DMD: variants seen among roughly 807,000 people sequenced by gnomAD.
DMD encodes dystrophin, also known as mutant dystrophin.
DMD carries 63 observed loss-of-function variants against 330.1 expected under a neutral mutation model. That is an observed-to-expected ratio of 0.19 (90% confidence interval 0.16 to 0.24). The LOEUF is 0.24. DMD is among the 10% of genes least tolerant of loss of function. DMD has a pLI of 1.00. For missense variants in DMD, 3,344 were observed against 2,684.1 expected (o/e 1.25, Z -5.43); for synonymous variants, 1,223 against 959.8 (o/e 1.27, Z -5.07).
chrX:31,819,723 C>T (rs1259243879), intron 50 of DMD, among the ~76,000 whole-genome samples: 1 of 113,000 alleles, frequency 8.8e-6, no homozygotes, highest in African/African-American at 3.2e-5. Context: ...CCACAATCTC[C>T]CTTGTGCTCT....
At chrX:31,458,548 C>T (rs1455644397) in intron 59 of DMD, among the ~76,000 whole-genome samples, 1 of 105,799 alleles carries the variant, frequency 9.5e-6, no homozygotes, top group African/African-American at 3.5e-5. Flanking sequence ...ACTCATTGGC[C>T]AAATCTACCC....
At chrX:32,979,054 A>G (rs1243967868) in intron 2 of DMD, among the ~76,000 whole-genome samples, 2 of 112,383 alleles carry the variant, frequency 1.8e-5, no homozygotes, top group African/African-American at 3.2e-5. Context: ...ATAATTTACA[A>G]GTTCTTAGGG....
intron 48 of DMD, among the ~76,000 whole-genome samples, chrX:31,846,434 TACACACACACACACA>T (rs1156472182): frequency 2.1e-5 from 2 of 95,471 alleles, no homozygotes; most frequent in Non-Finnish European, 4.3e-5. Context: ...AATCAAGAAA[TACACACACACACACA>T]CACACACACA....
intron 55 of DMD, among the ~76,000 whole-genome samples, chrX:31,527,107 C>G (rs2073300307): frequency 1.8e-5 from 2 of 110,771 alleles, no homozygotes; most frequent in Non-Finnish European, 3.8e-5. Context: ...AGGGTATGAC[C>G]CTGTCTCCAA....
chrX:32,866,483 A>G, intron 2 of DMD, among the ~76,000 whole-genome samples: 1 of 110,836 alleles, frequency 9.0e-6, no homozygotes. Context: ...GAGCCCTAGG[A>G]GTTTTTATGA....
Position 31,670,042 on chromosome X carries a change from A to C in DMD, c.7872+9333T>G, listed in dbSNP as rs1211916574. 3.6e-5 allele frequency among the ~76,000 whole-genome samples: 4 copies of C among 110,918 alleles called. No individual in the cohort carries two copies. In the East Asian group the frequency reaches 1.1e-3, roughly 31 times the overall value. ...AAGCCTTGCATCTCTTTTATTCCTA[A>C]GTTTTTAACATTTTTTGATGCCATT... On this transcript the variant is annotated intron_variant, in intron 53 of 78. Transcript: ENST00000357033.
intron 49 of DMD, among the ~76,000 whole-genome samples, chrX:31,822,251 A>T (rs1056916718): frequency 8.9e-6 from 1 of 112,120 alleles, no homozygotes; most frequent in Non-Finnish European, 1.9e-5. Context: ...TTGAAAGACG[A>T]CTAGGAAGTT....
Position 32,345,939 on chromosome X carries a change from A to G in DMD, c.5586+4T>C. On this transcript the variant is annotated splice_donor_region_variant and intron_variant, in intron 39 of 78. Transcript: ENST00000357033. ...AAGGTATATTATAATTTTAGCTCTAATACCTTGAGAGCATTATGTTTTGTC... is the reference window on the plus strand; with the variant it reads ...AAGGTATATTATAATTTTAGCTCTAGTACCTTGAGAGCATTATGTTTTGTC... The G allele has an allele frequency of 8.3e-7, 1 of 1,208,418 alleles. No homozygotes were observed. The highest frequency in any genetic ancestry group is 1.1e-6 in the Non-Finnish European group (1 of 893,885).
intron 17 of DMD, among the ~76,000 whole-genome samples, chrX:32,544,323 G>A (rs891009433): frequency 2.4e-4 from 27 of 111,742 alleles, no homozygotes; most frequent in African/African-American, 8.5e-4. Flanking sequence ...TTAGATGTGT[G>A]TTCTTTTCAA....
intron 1 of DMD, among the ~76,000 whole-genome samples, chrX:33,047,236 G>A (rs1172230820): frequency 1.8e-5 from 2 of 112,205 alleles, no homozygotes; most frequent in African/African-American, 3.2e-5. Flanking sequence ...GCTGACAAAG[G>A]AGAGTAAACA....
At chrX:31,268,431 C>T (rs180722270) in intron 62 of DMD, among the ~76,000 whole-genome samples, 37 of 112,229 alleles carry the variant, frequency 3.3e-4, no homozygotes, top group African/African-American at 1.1e-3. Flanking sequence ...TATTTTTAAG[C>T]AAATATGGCA....
At chrX:31,214,950 T>C (rs1935841590) in intron 64 of DMD, among the ~76,000 whole-genome samples, 2 of 81,767 alleles carry the variant, frequency 2.4e-5, no homozygotes, top group Non-Finnish European at 4.8e-5. Flanking sequence ...TTTTTTTTTT[T>C]TTTTTTTTTG....
At chrX:31,127,843 T>G (rs985738676) in intron 77 of DMD, among the ~76,000 whole-genome samples, 1 of 112,018 alleles carries the variant, frequency 8.9e-6, no homozygotes, top group Non-Finnish European at 1.9e-5. Context: ...TTCTTCCCTC[T>G]CTCCTTCTCT....
chrX:32,209,960 G>A (rs925505221), intron 44 of DMD, among the ~76,000 whole-genome samples: 3 of 111,469 alleles, frequency 2.7e-5, no homozygotes, highest in African/African-American at 9.8e-5. Flanking sequence ...CGGAATTTCT[G>A]CCTGGTACCA....
At chrX:31,253,366 A>G in intron 63 of DMD, among the ~76,000 whole-genome samples, 1 of 112,254 alleles carries the variant, frequency 8.9e-6, no homozygotes, top group East Asian at 2.8e-4. Flanking sequence ...TGAGTAGCTT[A>G]GTGGAGAACA....
intron 2 of DMD, among the ~76,000 whole-genome samples, chrX:32,859,027 C>T (rs2149071849): frequency 9.0e-6 from 1 of 111,484 alleles, no homozygotes; most frequent in South Asian, 3.8e-4. Context: ...TACTCCAGAG[C>T]ACTCCCGTGA....
intron 76 of DMD, among the ~76,000 whole-genome samples, chrX:31,136,118 G>A (rs760951435): frequency 1.8e-5 from 2 of 110,751 alleles, no homozygotes; most frequent in Admixed American, 9.6e-5. Flanking sequence ...GGATAAGAAC[G>A]TAAGGTAGAT....
intron 11 of DMD, among the ~76,000 whole-genome samples, chrX:32,630,489 G>A (rs2058660291): frequency 9.0e-6 from 1 of 110,531 alleles, no homozygotes; most frequent in Admixed American, 9.7e-5. Context: ...GGTGGGGGAA[G>A]TTCTGTGTTA....
intron 74 of DMD, among the ~76,000 whole-genome samples, chrX:31,153,118 C>A (rs777622701): frequency 8.9e-6 from 1 of 111,835 alleles, no homozygotes; most frequent in Non-Finnish European, 1.9e-5. Context: ...AGCTCCTACA[C>A]TGAGTGATAC....
Sources: allele counts gnomAD v4.1 joint callset (sites outside exome capture counted in the v4.1 genomes callset), GRCh38; gene constraint gnomAD v4.1.1; transcripts MANE v1.5; gene names NCBI Gene and HGNC (gene_info 2026-07-23, HGNC 2026-07-21).